The following SSH2 variants were observed in gnomAD, a reference collection of about 807,000 sequenced individuals.
The protein encoded by SSH2 is slingshot protein phosphatase 2.
A neutral mutation model predicts 135.2 loss-of-function variants in SSH2; 37 were observed. The ratio of observed to expected loss-of-function variants is 0.27; its 90% CI spans 0.21 to 0.36. The LOEUF (loss-of-function observed/expected upper bound fraction) is 0.36. Among genes scored for constraint, SSH2 ranks in the 10% least tolerant of loss-of-function variants. SSH2 has a pLI of 1.00. For synonymous variants in SSH2, 628 were observed against 646.2 expected, an observed-to-expected ratio of 0.97 and a Z score of 0.43; for missense variants, 1,408 against 1,765.3, an observed-to-expected ratio of 0.80 and a Z score of 3.63.
intron 12 of SSH2, among the ~76,000 whole-genome samples, chr17:29,653,678 C>T (rs1406475713): frequency 1.3e-5 from 2 of 152,146 alleles, no homozygotes; most frequent in Admixed American, 6.5e-5. Context: ...CCGCCACCTC[C>T]CGGGTTCAAG....
In SSH2 at chr17:29,632,640, G is replaced by A; in HGVS notation, c.2554C>T (p.Pro852Ser). 6 of 1,614,132 alleles carry A rather than the reference G, an allele frequency of 3.7e-6. No homozygotes were observed. The highest frequency in any genetic ancestry group is 5.1e-6 in the Non-Finnish European group (6 of 1,180,030). Reference sequence around the variant, plus strand: ...GAGTGTGTGGTTAGGCAGCCTTCTGGGTTGCACATCCCTGAGTCTTTGGCT... The same window carrying A: ...GAGTGTGTGGTTAGGCAGCCTTCTGAGTTGCACATCCCTGAGTCTTTGGCT... ...ELAKDSGMCN[P>S]EGCLTTHSSI... The change falls in exon 16 of 16, where the codon CCA becomes TCA. Residue 852 changes from proline to serine, a missense_variant. Physicochemically the swap from Pro to Ser is moderately conservative, Grantham distance 74 (BLOSUM62 -1). This residue lies in a region of SSH2 where 1,080 missense variants were observed against 1,144.5 expected (regional missense o/e 0.94). Transcript: ENST00000540801.
chr17:29,868,887 G>A (rs960863525), intron 1 of SSH2, among the ~76,000 whole-genome samples: 2 of 152,164 alleles, frequency 1.3e-5, no homozygotes, highest in African/African-American at 4.8e-5. Flanking sequence ...CAGCATCATG[G>A]AAAATAACCT....
chr17:29,640,079 TTTTTG>T (rs1400487756), intron 14 of SSH2, among the ~76,000 whole-genome samples: 2 of 150,486 alleles, frequency 1.3e-5, no homozygotes, highest in African/African-American at 5.0e-5. Flanking sequence ...GTATGTTTTT[TTTTTG>T]TTTTTTTTTT....
chr17:29,880,601 T>C (rs982809695), intron 1 of SSH2, among the ~76,000 whole-genome samples: 2 of 152,200 alleles, frequency 1.3e-5, no homozygotes, highest in Non-Finnish European at 2.9e-5. Context: ...AAGTCTTATA[T>C]AGGCCCAATT....
At chr17:29,722,931 G>A (rs757532433) in intron 3 of SSH2, among the ~76,000 whole-genome samples, 12 of 152,194 alleles carry the variant, frequency 7.9e-5, no homozygotes, top group Non-Finnish European at 1.8e-4. Flanking sequence ...GAAGCCACAG[G>A]GCTGAAGAAC....
chr17:29,643,386 T>A (rs2036243958), intron 14 of SSH2: 3 of 440,610 alleles, frequency 6.8e-6, no homozygotes, highest in Middle Eastern at 1.1e-3. Context: ...GGCACTTCCC[T>A]AGATCCAGAG....
chr17:29,777,809 A>AG (rs1287772990), intron 3 of SSH2: 1 of 152,770 alleles, frequency 6.5e-6, no homozygotes, highest in East Asian at 1.9e-4. Context: ...AAAAAAAAAA[A>AG]AAAAAACCTG....
rs768432009 is a variant in SSH2, at chr17:29,631,487, G to A, written c.3707C>T (p.Ala1236Val). ...LQEKMDPLPV[A>V]CRLPHSSSSE... ...ACTAGAGCTATGTGGGAGTCGACAG[G>A]CTACAGGCAATGGGTCCATTTTCTC... Residue 1236 changes from alanine to valine, a missense_variant, in exon 16 of 16, where the codon GCC becomes GTC. Ala to Val is a moderately conservative substitution (Grantham distance 64, BLOSUM62 0). Around this residue, in one of 3 missense-constraint regions of SSH2, gnomAD observed 1,080 missense variants for 1,144.5 expected, o/e 0.94. Transcript: ENST00000540801. 7 of 1,614,004 alleles carry A rather than the reference G, an allele frequency of 4.3e-6. No homozygotes were observed. The African/African-American group carries it at 9.3e-5, about 22-fold the overall frequency.
At chr17:29,716,692 T>C in intron 3 of SSH2, 1 of 622,182 alleles carries the variant, frequency 1.6e-6, no homozygotes, top group Non-Finnish European at 3.0e-6. Context: ...TTGTTTTTGG[T>C]GAATTACTGG....
chr17:29,777,812 A>AC (rs1247454165), intron 3 of SSH2: 1 of 152,432 alleles, frequency 6.6e-6, no homozygotes, highest in Non-Finnish European at 1.5e-5. Context: ...AAAAAAAAAA[A>AC]AAACCTGATC....
chr17:29,658,728 G>A (rs1190623099), intron 11 of SSH2, among the ~76,000 whole-genome samples: 2 of 152,002 alleles, frequency 1.3e-5, no homozygotes, highest in Non-Finnish European at 2.9e-5. Flanking sequence ...TTAGCCAGGT[G>A]TGGTGACGCA....
chr17:29,907,836 T>G (rs1050624350), intron 1 of SSH2, among the ~76,000 whole-genome samples: 2 of 130,720 alleles, frequency 1.5e-5, no homozygotes, highest in Non-Finnish European at 3.4e-5. Context: ...TTTTTTTTTT[T>G]GAGACAGGAT....
chr17:29,906,680 A>G (rs1387509992), intron 1 of SSH2, among the ~76,000 whole-genome samples: 1 of 152,220 alleles, frequency 6.6e-6, no homozygotes, highest in African/African-American at 2.4e-5. Flanking sequence ...ACAAACAAAC[A>G]ACCCCATTTA....
chr17:29,755,854 G>A (rs1179407442), intron 3 of SSH2, among the ~76,000 whole-genome samples: 3 of 150,442 alleles, frequency 2.0e-5, no homozygotes, highest in Middle Eastern at 3.4e-3. Context: ...GTAGAGACGG[G>A]GTTTCATCGT....
rs140337634 is a variant in SSH2 at position 29,845,863 on chromosome 17, A to C, written c.144+2986T>G. Among the ~76,000 whole-genome samples, 164 of 152,090 alleles carry C rather than the reference A, an allele frequency of 1.1e-3. 1 individual carries two copies. The highest frequency in any genetic ancestry group is 3.8e-3 in the African/African-American group (158 of 41,460). On this transcript the variant is annotated intron_variant, in intron 2 of 15. Coordinates refer to ENST00000540801, the MANE Select transcript of SSH2 (RefSeq NM_001282129.2). ...GCATGACCCACCGTGCCTGGCCCCA[A>C]CTAATTGTTTCTAAGGGAGAAAAAC...
intron 1 of SSH2, among the ~76,000 whole-genome samples, chr17:29,891,141 A>G (rs1451207913): frequency 6.6e-6 from 1 of 152,222 alleles, no homozygotes; most frequent in East Asian, 1.9e-4. Flanking sequence ...CACTTTTGCT[A>G]CAGTCAGTGT....
intron 12 of SSH2, 55 bp from the exon 13 acceptor site, chr17:29,650,855 C>T: frequency 4.3e-6 from 6 of 1,410,608 alleles, no homozygotes; most frequent in Non-Finnish European, 4.7e-6. Context: ...AAATCCAATT[C>T]CCAGCACTGT....
Position 29,670,348 on chromosome 17 carries a change from C to A in SSH2, c.809+1587G>T, listed in dbSNP as rs192605244. Reference sequence around the variant, plus strand: ...AATCACCAGTAACATTTCCCATGAACCTTTATCTTTTCAATTACTGTGAGA... The same window carrying A: ...AATCACCAGTAACATTTCCCATGAAACTTTATCTTTTCAATTACTGTGAGA... On this transcript the variant is annotated intron_variant, in intron 9 of 15. Transcript: ENST00000540801. Among the ~76,000 whole-genome samples, 185 of 152,272 alleles carry A rather than the reference C, an allele frequency of 1.2e-3. 1 individual carries two copies. Among genetic ancestry groups the A allele is most frequent in the African/African-American group, 3.9e-3 (164 of 41,566 alleles).
chr17:29,855,760 T>C (rs2151396959), intron 1 of SSH2: 1 of 160,572 alleles, frequency 6.2e-6, no homozygotes, highest in East Asian at 1.9e-4. Context: ...ACTGAGAGAA[T>C]GAAGACCATT....
Sources: gnomAD v4.1 joint callset for allele counts (sites outside exome capture counted in the v4.1 genomes callset) on GRCh38, gnomAD v4.1.1 for gene constraint, gnomAD v4.1.1 regional missense constraint, MANE v1.5 for transcripts, NCBI Gene and HGNC (gene_info 2026-07-23, HGNC 2026-07-21) for gene names.